SPATS2: variants seen among roughly 807,000 people sequenced by gnomAD.
SPATS2 encodes the protein spermatogenesis-associated serine-rich protein 2.
Under a neutral mutation model 63.7 loss-of-function variants are expected in SPATS2, and 38 were observed. That is an observed-to-expected ratio of 0.60 (90% CI 0.46 to 0.78). The LOEUF (loss-of-function observed/expected upper bound fraction) is 0.78, where lower values mean the gene tolerates loss of function less well. Ranked by LOEUF, SPATS2 falls within the 30% of genes least tolerant of loss-of-function variation. SPATS2 has a pLI of 0.00. For synonymous variants in SPATS2, 207 were observed against 232.9 expected, an observed-to-expected ratio of 0.89 and a Z score of 1.01; for missense variants, 588 against 666.2, an observed-to-expected ratio of 0.88 and a Z score of 1.29.
chr12:49,474,372 T>G (rs905757453), intron 3 of SPATS2, among the ~76,000 whole-genome samples: 5 of 152,124 alleles, frequency 3.3e-5, no homozygotes, highest in Non-Finnish European at 5.9e-5. Flanking sequence ...GAGTGAAGAG[T>G]GACAGATTTT....
chr12:49,476,374 C>T (rs543369979), intron 3 of SPATS2, among the ~76,000 whole-genome samples: 1 of 152,126 alleles, frequency 6.6e-6, no homozygotes. Context: ...CCCCATCTGC[C>T]GAGAGCTACT....
chr12:49,524,985 C>A, intron 13 of SPATS2, 89 bp downstream of exon 13: 1 of 1,270,898 alleles, frequency 7.9e-7, no homozygotes, highest in Non-Finnish European at 1.1e-6. Context: ...TATTATCTTC[C>A]TCTCTATTCC....
chr12:49,458,879 T>G (rs1407121733), intron 2 of SPATS2, among the ~76,000 whole-genome samples: 1 of 152,186 alleles, frequency 6.6e-6, no homozygotes, highest in Non-Finnish European at 1.5e-5. Flanking sequence ...AGGAGCTTCC[T>G]GCAATATGGA....
At chr12:49,382,460 CATCTT>C (rs1423493530) in intron 2 of SPATS2, among the ~76,000 whole-genome samples, 1 of 152,148 alleles carries the variant, frequency 6.6e-6, no homozygotes, top group Non-Finnish European at 1.5e-5. Flanking sequence ...AGTGCTTATT[CATCTT>C]ATCTTTTACT....
chr12:49,476,854 C>A (rs1282892559), intron 3 of SPATS2, among the ~76,000 whole-genome samples: 2 of 152,184 alleles, frequency 1.3e-5, no homozygotes, highest in African/African-American at 2.4e-5. Flanking sequence ...GCCTGTAATC[C>A]CAGCACTTTG....
intron 2 of SPATS2, among the ~76,000 whole-genome samples, chr12:49,438,815 G>T (rs920914575): frequency 1.3e-4 from 19 of 151,816 alleles, no homozygotes. Flanking sequence ...CATTCATTCA[G>T]TCAGCCAGCT....
At chr12:49,472,975 G>A (rs1230512006) in intron 3 of SPATS2, among the ~76,000 whole-genome samples, 1 of 151,238 alleles carries the variant, frequency 6.6e-6, no homozygotes, top group East Asian at 1.9e-4. Flanking sequence ...GCTTGAGCCC[G>A]GGTAGTCGAG....
At chr12:49,387,313 G>A (rs113616123) in intron 2 of SPATS2, among the ~76,000 whole-genome samples, 8,260 of 151,756 alleles carry the variant, frequency 0.054, 318 homozygotes, top group Non-Finnish European at 0.077. Context: ...GACGGAACTA[G>A]AGATATGCAG....
chr12:49,425,835 G>A (rs903217964), intron 2 of SPATS2, among the ~76,000 whole-genome samples: 9 of 151,776 alleles, frequency 5.9e-5, no homozygotes, highest in African/African-American at 1.9e-4. Flanking sequence ...GTTTCACCAC[G>A]TTGGCCAGGC....
chr12:49,509,833 G>A (rs1565757499), intron 9 of SPATS2, among the ~76,000 whole-genome samples: 4 of 150,670 alleles, frequency 2.7e-5, no homozygotes, highest in African/African-American at 9.8e-5. Context: ...AAAAGGGAAG[G>A]AAAAAAACTA....
chr12:49,451,021 A>T (rs1945614200), intron 2 of SPATS2, among the ~76,000 whole-genome samples: 1 of 149,768 alleles, frequency 6.7e-6, no homozygotes, highest in Non-Finnish European at 1.5e-5. Context: ...GGCGCCCACC[A>T]CTGTGCCCAG....
chr12:49,497,051 T>G (rs752566189), intron 8 of SPATS2, 42 bp downstream of exon 8: 2 of 1,503,942 alleles, frequency 1.3e-6, no homozygotes, highest in South Asian at 2.7e-5. Context: ...GAAAAATCTG[T>G]GTTTTTGGCT....
At chr12:49,506,443 C>T (rs1946655683) in intron 9 of SPATS2, among the ~76,000 whole-genome samples, 1 of 152,170 alleles carries the variant, frequency 6.6e-6, no homozygotes, top group Non-Finnish European at 1.5e-5. Context: ...CAAGGGAACT[C>T]TCATTTATAA....
chr12:49,372,133 C>T (rs1046194685), intron 2 of SPATS2, among the ~76,000 whole-genome samples: 6 of 152,044 alleles, frequency 3.9e-5, no homozygotes, highest in Non-Finnish European at 2.9e-5. Context: ...GCAACCTCTG[C>T]CTCCTGGGTT....
chr12:49,501,000 G>A (rs774906186), intron 9 of SPATS2, among the ~76,000 whole-genome samples: 10 of 152,012 alleles, frequency 6.6e-5, no homozygotes, highest in Non-Finnish European at 1.3e-4. Flanking sequence ...CACCCAGGCT[G>A]GAATGCTATG....
intron 6 of SPATS2, among the ~76,000 whole-genome samples, chr12:49,492,684 C>T (rs1241488931): frequency 6.6e-6 from 1 of 152,170 alleles, no homozygotes; most frequent in Non-Finnish European, 1.5e-5. Context: ...CAAATCCAGT[C>T]CAGTCCACTT....
At chr12:49,419,884 A>T (rs903278504) in intron 2 of SPATS2, among the ~76,000 whole-genome samples, 1 of 130,472 alleles carries the variant, frequency 7.7e-6, no homozygotes, top group African/African-American at 3.8e-5. Flanking sequence ...TTATGAAAAC[A>T]TACTGTTTTA....
intron 5 of SPATS2, among the ~76,000 whole-genome samples, chr12:49,489,810 A>G (rs80312011): frequency 0.034 from 5,154 of 152,278 alleles, 169 homozygotes; most frequent in Non-Finnish European, 0.046. Context: ...CTCTAATGGT[A>G]TTTAAGAGGA....
At chr12:49,447,977 C>T (rs894102158) in intron 2 of SPATS2, among the ~76,000 whole-genome samples, 4 of 151,194 alleles carry the variant, frequency 2.6e-5, no homozygotes, top group Non-Finnish European at 4.4e-5. Flanking sequence ...TATTTCCTAC[C>T]TTCTGCTTGC....
Sources: gnomAD v4.1 joint callset for allele counts (sites outside exome capture counted in the v4.1 genomes callset) on GRCh38, gnomAD v4.1.1 for gene constraint, MANE v1.5 for transcripts, NCBI Gene and HGNC (gene_info 2026-07-23, HGNC 2026-07-21) for gene names.